Variants in MACROD2 observed in about 807,000 individuals in gnomAD.
The protein encoded by MACROD2 is mono-ADP ribosylhydrolase 2.
MACROD2 carries 36 observed loss-of-function variants against 70.4 expected under a neutral mutation model. The ratio of observed to expected loss-of-function variants is 0.51; its 90% confidence interval spans 0.39 to 0.68. The LOEUF (loss-of-function observed/expected upper bound fraction) is 0.68, where lower values mean the gene tolerates loss of function less well. Ranked by LOEUF, MACROD2 falls within the 30% of genes least tolerant of loss-of-function variation. The pLI is 0.00. For missense variants in MACROD2, 496 were observed against 538.4 expected (o/e 0.92, Z 0.78); for synonymous variants, 172 against 178.8 (o/e 0.96, Z 0.30).
chr20:14,478,644 C>G (rs1441454321), intron 3 of MACROD2, among the ~76,000 whole-genome samples: 3 of 152,076 alleles, frequency 2.0e-5, no homozygotes, highest in Admixed American at 2.0e-4. Context: ...AGGGCCTACT[C>G]TCTTTCTCAA....
At chr20:15,066,660 G>T (rs1339854288) in intron 5 of MACROD2, among the ~76,000 whole-genome samples, 1 of 151,858 alleles carries the variant, frequency 6.6e-6, no homozygotes, top group African/African-American at 2.4e-5. Flanking sequence ...CGGGTAGATT[G>T]ACTGAGCTAG....
intron 5 of MACROD2, among the ~76,000 whole-genome samples, chr20:14,940,155 A>AG: frequency 7.8e-6 from 1 of 127,820 alleles, no homozygotes; most frequent in Non-Finnish European, 1.5e-5. Flanking sequence ...CTGCAAAAAA[A>AG]AAAAAAAAAA....
At chr20:15,244,288 A>G (rs530013400) in intron 6 of MACROD2, among the ~76,000 whole-genome samples, 6 of 152,366 alleles carry the variant, frequency 3.9e-5, no homozygotes, top group African/African-American at 7.2e-5. Flanking sequence ...TTGCTGGTTA[A>G]TGAGACTTAA....
At chr20:15,989,001 G>A (rs1173842119) in intron 15 of MACROD2, among the ~76,000 whole-genome samples, 1 of 152,160 alleles carries the variant, frequency 6.6e-6, no homozygotes, top group Non-Finnish European at 1.5e-5. Flanking sequence ...CTTTGGACAA[G>A]TTACTTAACC....
intron 4 of MACROD2, chr20:14,636,450 T>C (rs958375063): frequency 6.6e-5 from 10 of 152,246 alleles, no homozygotes; most frequent in Non-Finnish European, 1.5e-4. Flanking sequence ...CTACAGCATT[T>C]AAGCTTACAC....
rs558073791 is a variant in MACROD2, at chr20:15,906,134, C to T, written c.775+20323C>T. On this transcript the variant is annotated intron_variant, in intron 10 of 17. Transcript: ENST00000684519. The stretch of plus-strand genomic sequence containing the variant: ...GGGAGACTGGCTGTAGAATGTGGAG[C>T]GAAAGTGGAATGTTTTTGCTGAGTG... Among the ~76,000 whole-genome samples, 72 of 152,240 alleles carry T rather than the reference C, an allele frequency of 4.7e-4. No homozygotes were observed. In the South Asian group the frequency reaches 5.2e-3, roughly 11 times the overall value.
chr20:15,392,154 G>A (rs968609863), intron 6 of MACROD2, among the ~76,000 whole-genome samples: 1 of 152,106 alleles, frequency 6.6e-6, no homozygotes, highest in African/African-American at 2.4e-5. Context: ...TTGAAAGCTG[G>A]TATTAAAGGT....
At chr20:15,619,244 T>C (rs1157836460) in intron 8 of MACROD2, among the ~76,000 whole-genome samples, 6 of 151,976 alleles carry the variant, frequency 3.9e-5, no homozygotes, top group Non-Finnish European at 8.8e-5. Context: ...AAGAAGGAGG[T>C]TTGTTTTGGG....
intron 3 of MACROD2, among the ~76,000 whole-genome samples, chr20:14,294,778 G>A (rs2082413373): frequency 6.6e-6 from 1 of 151,650 alleles, no homozygotes; most frequent in Admixed American, 6.6e-5. Context: ...CTTTTAAGTT[G>A]ATTTTTAAAG....
At chr20:14,560,861 G>T (rs1447138666) in intron 4 of MACROD2, among the ~76,000 whole-genome samples, 1 of 151,734 alleles carries the variant, frequency 6.6e-6, no homozygotes. Context: ...ATTTTAATTT[G>T]CCTTTTTACC....
intron 4 of MACROD2, among the ~76,000 whole-genome samples, chr20:14,618,384 T>C (rs1468681862): frequency 1.3e-5 from 2 of 152,166 alleles, no homozygotes; most frequent in Non-Finnish European, 2.9e-5. Context: ...TGCAGTGTAA[T>C]CTTCAACAAA....
intron 15 of MACROD2, among the ~76,000 whole-genome samples, chr20:16,040,129 T>A (rs955909907): frequency 2.6e-5 from 4 of 151,938 alleles, no homozygotes; most frequent in African/African-American, 9.7e-5. Context: ...TTATATGTCA[T>A]CAATTAATGA....
At chr20:14,228,480 G>T (rs1014850880) in intron 3 of MACROD2, among the ~76,000 whole-genome samples, 1 of 151,746 alleles carries the variant, frequency 6.6e-6, no homozygotes, top group Non-Finnish European at 1.5e-5. Context: ...TGGGACTACG[G>T]GCATGTGCCA....
intron 7 of MACROD2, among the ~76,000 whole-genome samples, chr20:15,456,977 G>A (rs2046735724): frequency 6.6e-6 from 1 of 151,250 alleles, no homozygotes; most frequent in Non-Finnish European, 1.5e-5. Flanking sequence ...CATTTTGTGT[G>A]ATCTTGGCCA....
At chr20:14,317,040 A>T (rs2082617339) in intron 3 of MACROD2, among the ~76,000 whole-genome samples, 1 of 152,110 alleles carries the variant, frequency 6.6e-6, no homozygotes, top group African/African-American at 2.4e-5. Context: ...TGCTGATCTC[A>T]CCTACGTCTT....
At chr20:15,162,908 A>T (rs2076358311) in intron 5 of MACROD2, among the ~76,000 whole-genome samples, 1 of 152,124 alleles carries the variant, frequency 6.6e-6, no homozygotes, top group Non-Finnish European at 1.5e-5. Flanking sequence ...ATCAAGTGTA[A>T]ATAAACATGA....
chr20:15,632,007 C>T (rs965918333), intron 8 of MACROD2, among the ~76,000 whole-genome samples: 1 of 151,786 alleles, frequency 6.6e-6, no homozygotes, highest in African/African-American at 2.4e-5. Context: ...GGTGTAGTGA[C>T]GGGTGCCTGT....
intron 5 of MACROD2, among the ~76,000 whole-genome samples, chr20:15,207,445 T>G (rs1455771716): frequency 7.4e-6 from 1 of 135,792 alleles, no homozygotes; most frequent in Non-Finnish European, 1.6e-5. Flanking sequence ...GGTTTTTTTT[T>G]TTTTTTTTTT....
chr20:14,057,897 G>A (rs560581409), intron 2 of MACROD2, among the ~76,000 whole-genome samples: 4 of 152,258 alleles, frequency 2.6e-5, no homozygotes, highest in Admixed American at 1.3e-4. Flanking sequence ...TACATGAACC[G>A]ATGTTGATCA....
Sources: gnomAD v4.1 joint callset for allele counts (sites outside exome capture counted in the v4.1 genomes callset) on GRCh38, gnomAD v4.1.1 for gene constraint, MANE v1.5 for transcripts, NCBI Gene and HGNC (gene_info 2026-07-23, HGNC 2026-07-21) for gene names.